Variants in PDS5B observed in about 807,000 individuals in gnomAD.
The protein encoded by PDS5B is PDS5 cohesin associated factor B.
PDS5B carries 51 observed loss-of-function variants against 184.1 expected under a neutral mutation model. That is an observed-to-expected ratio of 0.28 (90% CI 0.22 to 0.35). The LOEUF is 0.35. PDS5B is among the 10% of genes least tolerant of loss of function. PDS5B has a pLI of 1.00. For synonymous variants in PDS5B, 566 were observed against 569.2 expected (o/e 0.99, Z 0.08); for missense variants, 1,180 against 1,723.3 (o/e 0.68, Z 5.58).
At chr13:32,714,438 CG>C (rs902602310) in intron 19 of PDS5B, among the ~76,000 whole-genome samples, 2 of 152,236 alleles carry the variant, frequency 1.3e-5, no homozygotes, top group South Asian at 2.1e-4. Context: ...TGAGATCAAC[CG>C]GTCTGACCAA....
intron 1 of PDS5B, among the ~76,000 whole-genome samples, chr13:32,600,611 C>T (rs965692901): frequency 2.6e-5 from 4 of 152,164 alleles, no homozygotes; most frequent in East Asian, 1.9e-4. Flanking sequence ...TGATGGCAGG[C>T]GCCTGTAATC....
chr13:32,596,354 A>G (rs1404057962), intron 1 of PDS5B, among the ~76,000 whole-genome samples: 1 of 152,108 alleles, frequency 6.6e-6, no homozygotes, highest in Non-Finnish European at 1.5e-5. Context: ...ATGGGGTTGG[A>G]TGTATCAGTT....
At chr13:32,673,935 C>A (rs980351974) in intron 8 of PDS5B, among the ~76,000 whole-genome samples, 1 of 138,414 alleles carries the variant, frequency 7.2e-6, no homozygotes, top group Non-Finnish European at 1.5e-5. Context: ...TCCACCTCAG[C>A]CTCCCAAGTA....
At chr13:32,686,184 A>G (rs1951382228) in intron 11 of PDS5B, among the ~76,000 whole-genome samples, 1 of 152,234 alleles carries the variant, frequency 6.6e-6, no homozygotes, top group Non-Finnish European at 1.5e-5. Context: ...GTGTTTATGT[A>G]AAATTAAAGA....
At chr13:32,654,956 CT>C (rs1404586185) in intron 3 of PDS5B, among the ~76,000 whole-genome samples, 3 of 151,976 alleles carry the variant, frequency 2.0e-5, no homozygotes, top group Non-Finnish European at 4.4e-5. Context: ...GATTCCATGT[CT>C]TTGCTATTGT....
intron 6 of PDS5B, among the ~76,000 whole-genome samples, chr13:32,659,583 A>G (rs1024977884): frequency 5.9e-5 from 9 of 152,226 alleles, no homozygotes; most frequent in Non-Finnish European, 1.3e-4. Context: ...ACTTGTCAGA[A>G]GATGGAACCA....
chr13:32,746,716 C>G (rs112663526), intron 24 of PDS5B, among the ~76,000 whole-genome samples: 1,577 of 152,244 alleles, frequency 0.01, 41 homozygotes, highest in African/African-American at 0.036. Context: ...GAATAGACCT[C>G]AAAAAGGACA....
intron 19 of PDS5B, among the ~76,000 whole-genome samples, chr13:32,721,841 C>T (rs540496476): frequency 2.0e-5 from 3 of 151,392 alleles, no homozygotes; most frequent in South Asian, 2.1e-4. Context: ...GACGGGATGA[C>T]GGCTGGGAAG....
intron 15 of PDS5B, 38 bp downstream of exon 15, chr13:32,696,940 T>C: frequency 5.9e-6 from 7 of 1,188,970 alleles, no homozygotes; most frequent in Non-Finnish European, 8.5e-6. Context: ...ATGTAATTTT[T>C]ATTGGAACAT....
At chr13:32,588,795 G>T (rs2057730192) in intron 1 of PDS5B, among the ~76,000 whole-genome samples, 1 of 152,200 alleles carries the variant, frequency 6.6e-6, no homozygotes, top group Non-Finnish European at 1.5e-5. Flanking sequence ...AAATTGTTCT[G>T]CAGCTTTGTT....
intron 1 of PDS5B, among the ~76,000 whole-genome samples, chr13:32,594,898 G>A (rs1318670656): frequency 6.6e-6 from 1 of 151,902 alleles, no homozygotes; most frequent in Non-Finnish European, 1.5e-5. Flanking sequence ...TGCTTTTTTA[G>A]TTTATTCTGT....
At chr13:32,669,093 G>C (rs1483914782) in intron 7 of PDS5B, among the ~76,000 whole-genome samples, 1 of 152,050 alleles carries the variant, frequency 6.6e-6, no homozygotes, top group East Asian at 1.9e-4. Context: ...AAATTGGTTG[G>C]ATTGAGTTTT....
chr13:32,659,802 G>T (rs904186713), intron 6 of PDS5B, among the ~76,000 whole-genome samples: 1 of 152,146 alleles, frequency 6.6e-6, no homozygotes, highest in African/African-American at 2.4e-5. Flanking sequence ...TAGAAATACG[G>T]TTCTGTTATT....
chr13:32,587,549 T>G (rs1424441522), intron 1 of PDS5B, among the ~76,000 whole-genome samples: 1 of 152,210 alleles, frequency 6.6e-6, no homozygotes, highest in African/African-American at 2.4e-5. Context: ...AGCTAACTCT[T>G]AAGTAGCTCG....
intron 18 of PDS5B, among the ~76,000 whole-genome samples, chr13:32,709,070 C>T (rs1014842180): frequency 3.4e-4 from 52 of 152,004 alleles, no homozygotes; most frequent in African/African-American, 1.2e-3. Flanking sequence ...ATAGTTTTAT[C>T]ATCTATGTAT....
chr13:32,687,368 A>G (rs1951426936), intron 12 of PDS5B, 83 bp downstream of exon 12: 1 of 1,057,390 alleles, frequency 9.5e-7, no homozygotes, highest in Non-Finnish European at 1.3e-6. Context: ...TATTTTCTTT[A>G]TGACCTTACA....
Position 32,746,034 on chromosome 13 carries a change from A to C in PDS5B, c.2670A>C (p.Ala890=). ...LAAGSAIVKL[A]QEPCYHEIIT... ...CTGGGAGTGCTATTGTGAAGCTGGCACAAGAACCCTGTTACCATGAAATCA... is the reference window on the plus strand; with the variant it reads ...CTGGGAGTGCTATTGTGAAGCTGGCCCAAGAACCCTGTTACCATGAAATCA... The change falls in exon 24 of 35, where the codon GCA becomes GCC. Residue 890 remains alanine, a synonymous_variant. Transcript: ENST00000315596. 4 of 1,613,296 alleles carry C rather than the reference A, an allele frequency of 2.5e-6. No individual in the cohort carries two copies. The highest frequency in any genetic ancestry group is 3.4e-6 in the Non-Finnish European group (4 of 1,179,236).
intron 15 of PDS5B, among the ~76,000 whole-genome samples, chr13:32,697,934 T>C (rs1226392506): frequency 6.6e-6 from 1 of 152,184 alleles, no homozygotes; most frequent in Non-Finnish European, 1.5e-5. Flanking sequence ...AGGCTAGTGC[T>C]GAACTGCTGG....
At chr13:32,743,328 AG>A (rs5802657) in intron 23 of PDS5B, among the ~76,000 whole-genome samples, 152,244 of 152,244 alleles carry the variant, frequency 1, 76,122 homozygotes, top group Non-Finnish European at 1. Context: ...CCACGGAAGT[AG>A]GAGGTAATAA....
Sources: gnomAD v4.1 joint callset for allele counts (sites outside exome capture counted in the v4.1 genomes callset) on GRCh38, gnomAD v4.1.1 for gene constraint, MANE v1.5 for transcripts, NCBI Gene and HGNC (gene_info 2026-07-23, HGNC 2026-07-21) for gene names.